The following TENM4 variants were observed in gnomAD, a reference collection of about 807,000 sequenced individuals.
The protein encoded by TENM4 is teneurin-4.
Under a neutral mutation model 243.3 loss-of-function variants are expected in TENM4, and 82 were observed. The ratio of observed to expected loss-of-function variants is 0.34; its 90% CI spans 0.28 to 0.40. The LOEUF is 0.40. Ranked by LOEUF, TENM4 falls within the 10% of genes least tolerant of loss-of-function variation. The pLI, the probability that TENM4 is intolerant of heterozygous loss-of-function variation, is 1.00. For synonymous variants in TENM4, 1,412 were observed against 1,456.3 expected, an observed-to-expected ratio of 0.97 and a Z score of 0.69; for missense variants, 3,138 against 3,673.3, an observed-to-expected ratio of 0.85 and a Z score of 3.77.
In TENM4 at chr11:79,167,219, T is replaced by A. The variant is rs79238204; in HGVS notation, c.-162-18413A>T. Among the ~76,000 whole-genome samples the A allele has an allele frequency of 7.0e-3, 1,071 of 152,224 alleles. 6 individuals are homozygous for A. The highest frequency in any genetic ancestry group is 9.1e-3 in the Non-Finnish European group (622 of 68,014). ...CTGGTTGCGAGGTGGCTGCCACACC[T>A]CCAAGCATCATATCTGAGTTCACAG... On this transcript the variant is annotated intron_variant, in intron 3 of 33. Transcript: ENST00000278550.
At chr11:78,967,402 A>G (rs1857459386) in intron 6 of TENM4, among the ~76,000 whole-genome samples, 1 of 152,240 alleles carries the variant, frequency 6.6e-6, no homozygotes, top group Admixed American at 6.5e-5. Context: ...GAGAAATAAG[A>G]CAGGAATGAG....
At chr11:78,807,492 AAG>A (rs1857412922) in intron 14 of TENM4, among the ~76,000 whole-genome samples, 1 of 152,176 alleles carries the variant, frequency 6.6e-6, no homozygotes, top group African/African-American at 2.4e-5. Flanking sequence ...GGAAAAGGAG[AAG>A]AGTACTGAGA....
intron 27 of TENM4, among the ~76,000 whole-genome samples, 166 bp downstream of exon 27, chr11:78,708,195 G>A (rs903526705): frequency 2.6e-5 from 4 of 152,230 alleles, no homozygotes; most frequent in Non-Finnish European, 5.9e-5. Flanking sequence ...GGACATGGCT[G>A]TATCTTACTT....
intron 6 of TENM4, among the ~76,000 whole-genome samples, chr11:78,963,732 T>A (rs1168661539): frequency 4.1e-3 from 1 of 244 alleles, no homozygotes; most frequent in Non-Finnish European, 0.12. Flanking sequence ...GTTCCATGAC[T>A]TTTTTTTTTT....
In TENM4 at chr11:78,843,151, G is replaced by A. The variant is rs141609195; in HGVS notation, c.1681+10953C>T. ...AAATTAGCTGGGCATGGTGGTGGGC[G>A]CCTATAATCCCAGCTACTTGGGAGG... On this transcript the variant is annotated intron_variant, in intron 12 of 33. Transcript: ENST00000278550. Among the ~76,000 whole-genome samples, 813 of 152,208 alleles carry A rather than the reference G, an allele frequency of 5.3e-3. 5 individuals carry two copies. The highest frequency in any genetic ancestry group is 8.8e-3 in the Non-Finnish European group (596 of 68,010).
chr11:78,999,320 T>G (rs1343987674), intron 6 of TENM4, among the ~76,000 whole-genome samples: 1 of 152,160 alleles, frequency 6.6e-6, no homozygotes, highest in Non-Finnish European at 1.5e-5. Flanking sequence ...GAGACCATCC[T>G]GGCTAACATG....
intron 6 of TENM4, among the ~76,000 whole-genome samples, chr11:78,999,174 G>A (rs368402213): frequency 3.3e-5 from 5 of 152,126 alleles, no homozygotes; most frequent in Admixed American, 1.3e-4. Flanking sequence ...GTCACACCGC[G>A]GGAGAGAAAC....
At chr11:78,719,469 A>G (rs996836378) in intron 25 of TENM4, among the ~76,000 whole-genome samples, 9 of 152,218 alleles carry the variant, frequency 5.9e-5, no homozygotes, top group Admixed American at 4.6e-4. Flanking sequence ...CAATTGAAAG[A>G]GATAGAATCA....
intron 2 of TENM4, among the ~76,000 whole-genome samples, chr11:79,235,378 C>T (rs1255440584): frequency 1.3e-5 from 2 of 152,096 alleles, no homozygotes; most frequent in African/African-American, 4.8e-5. Flanking sequence ...GGGTGGCCCC[C>T]CTGTAGAGTA....
chr11:79,314,102 C>G (rs12576533), intron 1 of TENM4, among the ~76,000 whole-genome samples: 24,955 of 152,072 alleles, frequency 0.16, 2,174 homozygotes, highest in East Asian at 0.35. Context: ...TCATGAAGGC[C>G]TGGGTTCAAA....
intron 6 of TENM4, among the ~76,000 whole-genome samples, chr11:79,020,404 C>T (rs957165443): frequency 6.6e-6 from 1 of 152,134 alleles, no homozygotes; most frequent in Admixed American, 6.6e-5. Flanking sequence ...AAAAGGTTAT[C>T]TCTACTGTAA....
intron 6 of TENM4, among the ~76,000 whole-genome samples, chr11:78,912,712 G>A (rs1856218540): frequency 6.6e-6 from 1 of 152,158 alleles, no homozygotes; most frequent in Non-Finnish European, 1.5e-5. Context: ...GACAATTGAG[G>A]GAAGAACAGA....
chr11:78,812,401 T>A, intron 13 of TENM4, 85 bp from the exon 14 acceptor site: 1 of 1,467,740 alleles, frequency 6.8e-7, no homozygotes. Flanking sequence ...CTGGCCTGCC[T>A]GGCTTCACCA....
chr11:79,029,989 C>T lies in TENM4; in HGVS notation c.493+34749G>A, dbSNP rs143443148. 5.2e-3 allele frequency among the ~76,000 whole-genome samples: 784 copies of T among 152,224 alleles called. 6 individuals are homozygous for T. Among genetic ancestry groups the T allele is most frequent in the African/African-American group, 0.018 (747 of 41,550 alleles). On this transcript the variant is annotated intron_variant, in intron 6 of 33. Transcript: ENST00000278550. ...AGCCCAGGGAAAGGGAGGTTTAGGG[C>T]CTTGAAAGGATCTAGGGAAAGGTAA...
At chr11:78,956,108 G>T (rs920459064) in intron 6 of TENM4, among the ~76,000 whole-genome samples, 1 of 152,168 alleles carries the variant, frequency 6.6e-6, no homozygotes, top group Non-Finnish European at 1.5e-5. Context: ...TGTGGACGGG[G>T]TGCTGGTGGA....
At chr11:78,941,692 G>A (rs1408618652) in intron 6 of TENM4, among the ~76,000 whole-genome samples, 4 of 152,162 alleles carry the variant, frequency 2.6e-5, no homozygotes, top group Admixed American at 6.5e-5. Flanking sequence ...CCACCCCAGC[G>A]TGTTGTAGAA....
intron 12 of TENM4, among the ~76,000 whole-genome samples, chr11:78,848,933 C>T (rs182835540): frequency 5.9e-4 from 90 of 152,320 alleles, no homozygotes; most frequent in African/African-American, 1.9e-4. Flanking sequence ...CACCTGGATA[C>T]GAACAAAATG....
chr11:78,741,116 A>C (rs1855920023), intron 19 of TENM4, among the ~76,000 whole-genome samples: 1 of 152,200 alleles, frequency 6.6e-6, no homozygotes, highest in African/African-American at 2.4e-5. Context: ...ATTAACATAA[A>C]GCCTTCCCTG....
Position 78,780,016 on chromosome 11 carries a change from G to A in TENM4, c.2366-1388C>T, listed in dbSNP as rs552124192. Among the ~76,000 whole-genome samples, 6 of 152,304 alleles carry A rather than the reference G, an allele frequency of 3.9e-5. No individual in the cohort carries two copies. In the East Asian group the frequency reaches 1.2e-3, roughly 29 times the overall value. The stretch of plus-strand genomic sequence containing the variant: ...GAAATATGCTTCTGGAGCCTGCACA[G>A]CCAAGTGGAAAATTGGGAAGAGGAA... On this transcript the variant is annotated intron_variant, in intron 16 of 33. Coordinates refer to ENST00000278550, the MANE Select transcript of TENM4 (RefSeq NM_001098816.3).
Sources: allele counts gnomAD v4.1 joint callset (sites outside exome capture counted in the v4.1 genomes callset), GRCh38; gene constraint gnomAD v4.1.1; transcripts MANE v1.5; gene names NCBI Gene and HGNC (gene_info 2026-07-23, HGNC 2026-07-21).